HPCAL4: variants seen among roughly 807,000 people sequenced by gnomAD.
The protein encoded by HPCAL4 is hippocalcin like 4, also known as hippocalcin-like protein 4.
Under a neutral mutation model 18.2 loss-of-function variants are expected in HPCAL4, and 16 were observed. The observed-to-expected ratio is 0.88, with a 90% CI of 0.59 to 1.33. The LOEUF is 1.33. Ranked by LOEUF, HPCAL4 falls within the 40% of genes most tolerant of loss-of-function variation. The probability of loss-of-function intolerance (pLI) is 0.00; values close to 1 mark genes in which losing one functional copy is unlikely to be tolerated. For synonymous variants in HPCAL4, 80 were observed against 97.5 expected (o/e 0.82, Z 1.06); for missense variants, 214 against 256.6 (o/e 0.83, Z 1.14).
intron 1 of HPCAL4, 29 bp from the exon 2 acceptor site, chr1:39,684,640 G>T: frequency 6.5e-7 from 1 of 1,532,790 alleles, no homozygotes; most frequent in Non-Finnish European, 8.8e-7. Flanking sequence ...CCTCCGACTG[G>T]GTCCAGGGAA....
At position 39,682,696 on chromosome 1, in the gene HPCAL4, C is replaced by A. The variant is rs769374158; in HGVS notation, c.416G>T (p.Arg139Leu). The A allele has an allele frequency of 2.5e-6, 4 of 1,614,124 alleles. No individual in the cohort carries two copies. The highest frequency in any genetic ancestry group is 3.4e-6 in the Non-Finnish European group (4 of 1,180,018). ...GGGCGTGAGCCCGTCCTGGTTCATG[C>A]GCATCATGATCACGGTGCCCACCAT... Reference protein sequence around the residue: ...YKMVGTVIMMRMNQDGLTPQQ... With the variant: ...YKMVGTVIMMLMNQDGLTPQQ... Residue 139 changes from arginine to leucine, a missense_variant, in exon 4 of 4, where the codon CGC becomes CTC. Physicochemically the swap from Arg to Leu is moderately radical, Grantham distance 102. Transcript: ENST00000372844.
intron 1 of HPCAL4, among the ~76,000 whole-genome samples, chr1:39,686,604 G>T (rs1014088786): frequency 6.6e-6 from 1 of 152,218 alleles, no homozygotes; most frequent in Admixed American, 6.5e-5. Flanking sequence ...AGCCTCAGTG[G>T]ATAGAAGTGT....
intron 2 of HPCAL4, 21 bp downstream of exon 2, chr1:39,684,421 C>A (rs772806206): frequency 1.9e-5 from 26 of 1,395,488 alleles, no homozygotes; most frequent in Non-Finnish European, 2.3e-5. Flanking sequence ...GGCTCCCTCA[C>A]ACCAGGTGCC....
At chr1:39,683,497 G>A (rs1359527099) in intron 3 of HPCAL4, among the ~76,000 whole-genome samples, 4 of 152,180 alleles carry the variant, frequency 2.6e-5, no homozygotes, top group Non-Finnish European at 5.9e-5. Flanking sequence ...TCCATCACGC[G>A]CTCTCCCTGC....
rs537793039 is a variant in HPCAL4 at position 39,689,132 on chromosome 1, G to A, written c.-9+2174C>T. 3.4e-4 allele frequency among the ~76,000 whole-genome samples: 52 copies of A among 152,274 alleles called. 1 individual carries two copies. In the South Asian group the frequency reaches 8.1e-3, roughly 24 times the overall value. ...AGTCCACTTTTGAGCAGGTTGAAGC[G>A]TGAGAAAAGTTTATTTTTCCCATGG... On this transcript the variant is annotated intron_variant, in intron 1 of 3. Transcript: ENST00000372844.
At position 39,680,581 on chromosome 1, in the gene HPCAL4, T is replaced by C. The variant is rs784629; in HGVS notation, c.*1955A>G. ...CGCACAAGACATACCTAATAGCCAG[T>C]TCCTGGGAGCAATGCAACATCCTTG... On this transcript the variant is annotated 3_prime_UTR_variant, in exon 4 of 4. Coordinates refer to ENST00000372844, the MANE Select transcript of HPCAL4 (RefSeq NM_016257.4). 0.84 allele frequency: 127,172 copies of C among 152,180 alleles called. 53,196 individuals are homozygous for C. The highest frequency in any genetic ancestry group is 0.88 in the Middle Eastern group (260 of 294). 9.4% of individuals were successfully genotyped at this position (152,180 alleles called of 1,614,324 possible).
chr1:39,682,499 G>GC lies in HPCAL4; in HGVS notation c.*36dup, dbSNP rs1280434030. 6.2e-7 allele frequency: 1 copy of GC among 1,605,660 alleles called. No homozygotes were observed. ...GGTCATCAGGTTGGGAGGTGGCCAT[G>GC]CCCCTTCTGGCCAGGGACCCTGCCC... On this transcript the variant is annotated 3_prime_UTR_variant, in exon 4 of 4. Coordinates refer to ENST00000372844, the MANE Select transcript of HPCAL4 (RefSeq NM_016257.4).
rs1178096373 is a variant in HPCAL4, at chr1:39,680,729, G to C, written c.*1807C>G. On this transcript the variant is annotated 3_prime_UTR_variant, in exon 4 of 4. Transcript: ENST00000372844. ...ATAGCAACCCAGTGGTTGCAAACCAGTGGTTGCTATCCCCAGCAAGAGGAT... is the reference window on the plus strand; with the variant it reads ...ATAGCAACCCAGTGGTTGCAAACCACTGGTTGCTATCCCCAGCAAGAGGAT... 4 of 152,186 alleles carry C rather than the reference G, an allele frequency of 2.6e-5. No individual in the cohort carries two copies. The highest frequency in any genetic ancestry group is 9.7e-5 in the African/African-American group (4 of 41,434). 9.4% of individuals were successfully genotyped at this position (152,186 alleles called of 1,614,324 possible). A position where few individuals can be genotyped will look rare whatever the true frequency, so the allele number is the denominator to read the frequency against.
chr1:39,683,981 C>A lies in HPCAL4; in HGVS notation c.334G>T (p.Gly112Cys). Reference sequence around the variant, plus strand: ...TCCAGGCGCGTGATGCGCCCGTCGCCGTCCAGGTCGTACATCTCAAAGGCC... The same window carrying A: ...TCCAGGCGCGTGATGCGCCCGTCGCAGTCCAGGTCGTACATCTCAAAGGCC... ...NWAFEMYDLD[G>C]DGRITRLEML... The change falls in exon 3 of 4, where the codon GGC (glycine) becomes TGC (cysteine). Residue 112 changes from glycine (G) to cysteine (C), a missense_variant. Transcript: ENST00000372844. 6.2e-7 allele frequency: 1 copy of A among 1,613,932 alleles called. No homozygotes were observed. The highest frequency in any genetic ancestry group is 8.5e-7 in the Non-Finnish European group (1 of 1,179,880).
chr1:39,689,501 G>T (rs1646701781), intron 1 of HPCAL4, among the ~76,000 whole-genome samples: 1 of 152,178 alleles, frequency 6.6e-6, no homozygotes, highest in Admixed American at 6.5e-5. Flanking sequence ...GGAAGGAAGG[G>T]TTCACCCCAG....
intron 1 of HPCAL4, among the ~76,000 whole-genome samples, chr1:39,685,686 T>C (rs896930432): frequency 7.9e-5 from 12 of 152,178 alleles, no homozygotes; most frequent in Non-Finnish European, 1.8e-4. Flanking sequence ...AAGACCATCC[T>C]GGCTAACACG....
chr1:39,685,404 C>T (rs76275658), intron 1 of HPCAL4, among the ~76,000 whole-genome samples: 2 of 152,246 alleles, frequency 1.3e-5, no homozygotes. Context: ...CAGTCTTGAA[C>T]GAGTCACTGG....
chr1:39,690,113 G>A (rs1211576534), intron 1 of HPCAL4, among the ~76,000 whole-genome samples: 1 of 152,170 alleles, frequency 6.6e-6, no homozygotes, highest in African/African-American at 2.4e-5. Flanking sequence ...GAAGGAATGT[G>A]TCTTCAGTGA....
In HPCAL4 at chr1:39,682,993, C is replaced by T. The variant is rs560645894; in HGVS notation, c.379-260G>A. On this transcript the variant is annotated intron_variant, in intron 3 of 3. Transcript: ENST00000372844. ...CTGCCTCCTGGGTTCAAGTGATTTT[C>T]CTGCTTCAGCCTCCTGAGTAGCTGG... 6.6e-5 allele frequency among the ~76,000 whole-genome samples: 10 copies of T among 152,130 alleles called. No homozygotes were observed. In the South Asian group the frequency reaches 2.1e-3, roughly 32 times the overall value.
chr1:39,682,821 C>T, intron 3 of HPCAL4, 88 bp from the exon 4 acceptor site: 1 of 988,914 alleles, frequency 1.0e-6, no homozygotes, highest in South Asian at 1.3e-5. Flanking sequence ...GCAGGGAGAA[C>T]ACTGGGGGTT....
chr1:39,683,497 G>C (rs1359527099), intron 3 of HPCAL4, among the ~76,000 whole-genome samples: 1 of 152,180 alleles, frequency 6.6e-6, no homozygotes, highest in Non-Finnish European at 1.5e-5. Context: ...TCCATCACGC[G>C]CTCTCCCTGC....
rs1464659065 is a variant in HPCAL4, at chr1:39,682,422, G to A, written c.*114C>T. The A allele has an allele frequency of 2.2e-6, 2 of 899,128 alleles. No individual in the cohort carries two copies. Among genetic ancestry groups the A allele is most frequent in the East Asian group, 5.1e-5 (2 of 39,354 alleles). The allele number at this position is 899,128 out of a possible 1,614,324, so 55.7% of individuals were successfully genotyped here. A position where few individuals can be genotyped will look rare whatever the true frequency, so the allele number is the denominator to read the frequency against. ...GAAGGGCTTGGGCAGAGGACTGGGT[G>A]GGCCAGAGAGGGGGGCTGGAGTGTC... On this transcript the variant is annotated 3_prime_UTR_variant, in exon 4 of 4. Transcript: ENST00000372844.
rs34451502 is a variant in HPCAL4, at chr1:39,685,325, A to AT, written c.-8-715dup. ...ATTGGAGGGAACAGACGCTCCTGGG[A>AT]TTTTTTAAAACAAGGGCTGGGAAGA... On this transcript the variant is annotated intron_variant, in intron 1 of 3. Transcript: ENST00000372844. Among the ~76,000 whole-genome samples, 966 of 152,308 alleles carry AT rather than the reference A, an allele frequency of 6.3e-3. 31 individuals are homozygous for AT. The highest frequency in any genetic ancestry group is 0.044 in the Admixed American group (666 of 15,294).
intron 1 of HPCAL4, among the ~76,000 whole-genome samples, chr1:39,685,443 A>T (rs1646664959): frequency 6.6e-6 from 1 of 152,046 alleles, no homozygotes; most frequent in Non-Finnish European, 1.5e-5. Context: ...GTGTTTTAAA[A>T]TTTTTCCAGG....
Sources: allele counts gnomAD v4.1 joint callset (sites outside exome capture counted in the v4.1 genomes callset), GRCh38; gene constraint gnomAD v4.1.1; transcripts MANE v1.5; gene names NCBI Gene and HGNC (gene_info 2026-07-23, HGNC 2026-07-21).